RYR3: variants seen among roughly 807,000 people sequenced by gnomAD.
The protein encoded by RYR3 is brain ryanodine receptor-calcium release channel.
A neutral mutation model predicts 584.3 loss-of-function variants in RYR3; 207 were observed. That is an observed-to-expected ratio of 0.35 (90% confidence interval 0.32 to 0.40). The LOEUF (loss-of-function observed/expected upper bound fraction) is 0.40, where lower values mean the gene tolerates loss of function less well. Ranked by LOEUF, RYR3 falls within the 10% of genes least tolerant of loss-of-function variation. The pLI is 1.00. For synonymous variants in RYR3, 2,416 were observed against 2,248.5 expected, an observed-to-expected ratio of 1.07 and a Z score of -2.11; for missense variants, 5,616 against 6,089.2, an observed-to-expected ratio of 0.92 and a Z score of 2.59.
chr15:33,581,427 T>A (rs2058585329), intron 13 of RYR3, 81 bp from the exon 14 acceptor site: 4 of 1,376,206 alleles, frequency 2.9e-6, no homozygotes, highest in Non-Finnish European at 4.0e-6. Context: ...AAAAGGTGAA[T>A]GATACAGGAG....
At chr15:33,676,836 C>T (rs544873456) in intron 38 of RYR3, among the ~76,000 whole-genome samples, 5 of 152,148 alleles carry the variant, frequency 3.3e-5, no homozygotes, top group East Asian at 1.9e-4. Context: ...TCACAGTAAT[C>T]GATGCTTAAA....
chr15:33,372,358 A>ATT (rs59663566), intron 1 of RYR3, among the ~76,000 whole-genome samples: 171 of 75,522 alleles, frequency 2.3e-3, no homozygotes, highest in East Asian at 4.1e-3. Flanking sequence ...TGCCCGGCTA[A>ATT]TTTTTTTTTT....
intron 67 of RYR3, among the ~76,000 whole-genome samples, chr15:33,789,297 G>T (rs1332089366): frequency 6.6e-6 from 1 of 151,966 alleles, no homozygotes; most frequent in African/African-American, 2.4e-5. Context: ...GATTCTGAGG[G>T]AGTCTGTAAT....
chr15:33,758,781 A>C (rs1315189855), intron 60 of RYR3, among the ~76,000 whole-genome samples: 4 of 152,120 alleles, frequency 2.6e-5, no homozygotes, highest in Non-Finnish European at 5.9e-5. Context: ...CCAGCACAGC[A>C]CTCAAGCTCT....
At chr15:33,746,267 C>A (rs370794605) in intron 53 of RYR3, 110 bp downstream of exon 53, 60 of 782,522 alleles carry the variant, frequency 7.7e-5, no homozygotes, top group East Asian at 5.1e-4. Context: ...ACAACATCAT[C>A]ATCTAGGACT....
At chr15:33,782,268 T>C (rs751750775) in intron 65 of RYR3, among the ~76,000 whole-genome samples, 3 of 152,224 alleles carry the variant, frequency 2.0e-5, no homozygotes, top group Non-Finnish European at 2.9e-5. Context: ...GGAATTAGTC[T>C]CTTGCATTGT....
At chr15:33,672,815 T>C (rs1436050531) in intron 38 of RYR3, among the ~76,000 whole-genome samples, 1 of 152,254 alleles carries the variant, frequency 6.6e-6, no homozygotes, top group African/African-American at 2.4e-5. Flanking sequence ...GTTTACTGAA[T>C]ACTTCCACAC....
chr15:33,810,440 A>T (rs1174495016), intron 70 of RYR3, 39 bp from the exon 71 acceptor site: 2 of 1,608,638 alleles, frequency 1.2e-6, no homozygotes, highest in African/African-American at 2.7e-5. Context: ...TGGGAGAATC[A>T]CTGAACCCCT....
In RYR3 at chr15:33,636,417, C is replaced by T. The variant is rs758997074; in HGVS notation, c.3423C>T (p.Thr1141=). 6.2e-7 allele frequency: 1 copy of T among 1,613,802 alleles called. No homozygotes were observed. Among genetic ancestry groups the T allele is most frequent in the Non-Finnish European group, 8.5e-7 (1 of 1,179,848 alleles). ...WHQGSGYFGR[T]WQPGDVVGCM... ...AAGGAAGTGGGTATTTTGGGCGTAC[C>T]TGGCAGCCAGGGGATGTGGTCGGAT... Residue 1141 remains threonine (T), a synonymous_variant, in exon 27 of 104, where the codon ACC becomes ACT. Transcript: ENST00000634891.
intron 36 of RYR3, among the ~76,000 whole-genome samples, chr15:33,665,993 G>C (rs549104365): frequency 8.5e-5 from 13 of 152,228 alleles, no homozygotes; most frequent in South Asian, 2.1e-4. Context: ...AACACAGATT[G>C]CTTGGTTTCA....
rs117433471 is a variant in RYR3 at position 33,455,559 on chromosome 15, C to T, written c.52-17860C>T. 3.6e-3 allele frequency among the ~76,000 whole-genome samples: 555 copies of T among 152,254 alleles called. 3 individuals carry two copies. Among genetic ancestry groups the T allele is most frequent in the African/African-American group, 0.013 (529 of 41,520 alleles). On this transcript the variant is annotated intron_variant, in intron 1 of 103. Coordinates refer to ENST00000634891, the MANE Select transcript of RYR3 (RefSeq NM_001036.6). ...AGAAAAATGCAGAGATTTACGGTGTCCCTTGCCACATAGGTCAAGTAAGAC... is the reference window on the plus strand; with the variant it reads ...AGAAAAATGCAGAGATTTACGGTGTTCCTTGCCACATAGGTCAAGTAAGAC...
chr15:33,571,443 T>C (rs563706094), intron 12 of RYR3, among the ~76,000 whole-genome samples: 93 of 152,356 alleles, frequency 6.1e-4, no homozygotes, highest in African/African-American at 1.3e-3. Flanking sequence ...TCTACTTCAA[T>C]TCCATCAGTT....
At chr15:33,438,645 T>C (rs1596141826) in intron 1 of RYR3, among the ~76,000 whole-genome samples, 1 of 152,204 alleles carries the variant, frequency 6.6e-6, no homozygotes, top group Non-Finnish European at 1.5e-5. Context: ...CCACATTGTA[T>C]TGAATTTATA....
chr15:33,323,237 G>A lies in RYR3; in HGVS notation c.51+12141G>A, dbSNP rs540118776. 1.3e-3 allele frequency among the ~76,000 whole-genome samples: 199 copies of A among 152,012 alleles called. 2 individuals carry two copies. The highest frequency in any genetic ancestry group is 4.8e-3 in the African/African-American group (199 of 41,462). On this transcript the variant is annotated intron_variant, in intron 1 of 103. Transcript: ENST00000634891. ...CGCCATCCTCCTGCCTCAGCCTCCCGAGTAGCTGGGACTACAGGCACCCGC... is the reference window on the plus strand; with the variant it reads ...CGCCATCCTCCTGCCTCAGCCTCCCAAGTAGCTGGGACTACAGGCACCCGC...
chr15:33,361,421 A>G (rs539949355), intron 1 of RYR3, among the ~76,000 whole-genome samples: 1 of 152,360 alleles, frequency 6.6e-6, no homozygotes, highest in East Asian at 1.9e-4. Flanking sequence ...TCTCCATTTT[A>G]GCAAGGTAGA....
chr15:33,447,465 G>A (rs1042467622), intron 1 of RYR3, among the ~76,000 whole-genome samples: 5 of 152,110 alleles, frequency 3.3e-5, no homozygotes, highest in African/African-American at 4.8e-5. Flanking sequence ...ACTTTCCTCC[G>A]AGCAGTATTG....
chr15:33,830,703 G>T, intron 85 of RYR3: 1 of 303,198 alleles, frequency 3.3e-6, no homozygotes, highest in East Asian at 6.3e-5. Flanking sequence ...TTCACATTGA[G>T]TAAATTATCC....
chr15:33,738,564 G>A lies in RYR3; in HGVS notation c.7630G>A (p.Gly2544Arg), dbSNP rs1478766941. 2 of 1,613,940 alleles carry A rather than the reference G, an allele frequency of 1.2e-6. No homozygotes were observed. Among genetic ancestry groups the A allele is most frequent in the South Asian group, 2.2e-5 (2 of 91,080 alleles). The change falls in exon 50 of 104, where the codon GGG becomes AGG. Residue 2544 changes from glycine to arginine, a missense_variant. Gly to Arg is a moderately radical substitution (Grantham distance 125). This residue lies in a region of RYR3 where 1,280 missense variants were observed against 1,426.2 expected (regional missense o/e 0.90). Transcript: ENST00000634891. ...GCACCTAACGGAGAAGCTTTTCTGG[G>A]GGATTTTTGACTCGCTCTCCCATAA... ...ELHLTEKLFWGIFDSLSHKKY... is the reference protein window; with the variant it reads ...ELHLTEKLFWRIFDSLSHKKY...
chr15:33,551,548 G>A (rs572825852), intron 10 of RYR3, among the ~76,000 whole-genome samples: 1 of 152,140 alleles, frequency 6.6e-6, no homozygotes, highest in African/African-American at 2.4e-5. Context: ...TCTTTGGCAT[G>A]TAGTTTTTTC....
Sources: allele counts gnomAD v4.1 joint callset (sites outside exome capture counted in the v4.1 genomes callset), GRCh38; gene constraint gnomAD v4.1.1; regional missense constraint gnomAD v4.1.1; transcripts MANE v1.5; gene names NCBI Gene and HGNC (gene_info 2026-07-23, HGNC 2026-07-21).